The following PLXNA4 variants were observed in gnomAD, a reference collection of about 807,000 sequenced individuals.
PLXNA4 encodes the protein plexin-A4.
A neutral mutation model predicts 191.8 loss-of-function variants in PLXNA4; 44 were observed. The observed-to-expected ratio is 0.23, with a 90% confidence interval of 0.18 to 0.29. The LOEUF (loss-of-function observed/expected upper bound fraction) is 0.29, where lower values mean the gene tolerates loss of function less well. Ranked by LOEUF, PLXNA4 falls within the 10% of genes least tolerant of loss-of-function variation. The pLI is 1.00. For missense variants in PLXNA4, 1,800 were observed against 2,488.8 expected (o/e 0.72, Z 5.89); for synonymous variants, 1,082 against 1,009.5 (o/e 1.07, Z -1.36).
At chr7:132,202,331 A>T (rs1797464329) in intron 12 of PLXNA4, among the ~76,000 whole-genome samples, 1 of 152,194 alleles carries the variant, frequency 6.6e-6, no homozygotes, top group Non-Finnish European at 1.5e-5. Context: ...AGGCCTTGCC[A>T]CCGAGGCTCT....
At position 132,226,253 on chromosome 7, in the gene PLXNA4, G is replaced by T. The variant is rs756199653; in HGVS notation, c.1890C>A (p.His630Gln). 1 of 1,613,312 alleles carries T rather than the reference G, an allele frequency of 6.2e-7. No individual in the cohort carries two copies. Residue 630 changes from histidine to glutamine, a missense_variant, in exon 8 of 32, where the codon CAC becomes CAA. This residue lies in a region of PLXNA4 where 1,397 missense variants were observed against 1,880.4 expected (regional missense o/e 0.74). Transcript: ENST00000321063. ...ATTTGAGCTGAAGCTGTACGACATG[G>T]TGGTCCCCTACAAGGAGAGATGGCT... ...VPRIITENGD[H>Q]HVVQLQLKSK...
At chr7:132,293,781 C>A (rs2116476297) in intron 4 of PLXNA4, among the ~76,000 whole-genome samples, 1 of 152,320 alleles carries the variant, frequency 6.6e-6, no homozygotes, top group Non-Finnish European at 1.5e-5. Context: ...CAGATTGCCA[C>A]TCTCACATAT....
At chr7:132,433,882 A>T (rs1795367765) in intron 3 of PLXNA4, among the ~76,000 whole-genome samples, 1 of 152,182 alleles carries the variant, frequency 6.6e-6, no homozygotes, top group Admixed American at 6.5e-5. Flanking sequence ...AGAGGGGGGA[A>T]ATTAGAAACA....
chr7:132,648,187 T>C (rs949720241), intron 1 of PLXNA4, among the ~76,000 whole-genome samples: 1 of 152,032 alleles, frequency 6.6e-6, no homozygotes, highest in African/African-American at 2.4e-5. Context: ...TCATGTACAC[T>C]GTGTCACACA....
chr7:132,347,952 C>T (rs1803315095), intron 3 of PLXNA4, among the ~76,000 whole-genome samples: 1 of 152,134 alleles, frequency 6.6e-6, no homozygotes, highest in Non-Finnish European at 1.5e-5. Flanking sequence ...AGCACCTTTC[C>T]AGGGATGGCT....
At chr7:132,220,478 G>C (rs1191462073) in intron 9 of PLXNA4, among the ~76,000 whole-genome samples, 1 of 152,158 alleles carries the variant, frequency 6.6e-6, no homozygotes, top group Non-Finnish European at 1.5e-5. Flanking sequence ...AGGCATGGGC[G>C]ATTCCAAACT....
rs368638967 is a variant in PLXNA4, at chr7:132,370,067, C to CAA, written c.1372-71847_1372-71846dup. Among the ~76,000 whole-genome samples, 16 of 111,082 alleles carry CAA rather than the reference C, an allele frequency of 1.4e-4. No homozygotes were observed. In the East Asian group the frequency reaches 2.9e-3, roughly 20 times the overall value. 72.9% of individuals were successfully genotyped at this position (111,082 alleles called of 152,430 possible). A position where few individuals can be genotyped will look rare whatever the true frequency, so the allele number is the denominator to read the frequency against. On this transcript the variant is annotated intron_variant, in intron 3 of 31. Transcript: ENST00000321063. ...TGAGCGACAGAGTGAGACTCTGACT[C>CAA]AAAAAAAAAAAAAAAAAAGGTATGC...
intron 29 of PLXNA4, among the ~76,000 whole-genome samples, chr7:132,141,171 T>C (rs1220104931): frequency 2.6e-5 from 4 of 152,198 alleles, no homozygotes; most frequent in Non-Finnish European, 5.9e-5. Context: ...TCTCTGTCTG[T>C]CTGCTCCTAA....
intron 3 of PLXNA4, among the ~76,000 whole-genome samples, chr7:132,346,385 G>A (rs1259932594): frequency 1.3e-5 from 2 of 152,158 alleles, no homozygotes; most frequent in African/African-American, 4.8e-5. Context: ...AAAATATTAA[G>A]TGACCTACTC....
Position 132,499,658 on chromosome 7 carries a change from G to C in PLXNA4, c.1188+7848C>G, listed in dbSNP as rs1374264335. On this transcript the variant is annotated intron_variant, in intron 2 of 31. Coordinates refer to ENST00000321063, the MANE Select transcript of PLXNA4 (RefSeq NM_020911.2). ...TTGTGTGTTTTCTGGTGGGTGCTGG[G>C]AAGCAGTGGCCCTGCTCCCCAGGCT... is the stretch of plus-strand genomic sequence containing the variant. Among the ~76,000 whole-genome samples the C allele has an allele frequency of 4.1e-4, 63 of 152,138 alleles. 1 individual carries two copies. Among genetic ancestry groups the C allele is most frequent in the Non-Finnish European group, 7.4e-5 (5 of 68,024 alleles).
chr7:132,305,705 G>T (rs753214326), intron 3 of PLXNA4, among the ~76,000 whole-genome samples: 1 of 152,190 alleles, frequency 6.6e-6, no homozygotes, highest in Non-Finnish European at 1.5e-5. Context: ...TCCATTGAAG[G>T]ATTGAACAAT....
At chr7:132,377,818 G>A (rs994478910) in intron 3 of PLXNA4, among the ~76,000 whole-genome samples, 1 of 152,162 alleles carries the variant, frequency 6.6e-6, no homozygotes, top group Non-Finnish European at 1.5e-5. Flanking sequence ...TGGGGCTGAG[G>A]AGAGAAAAGA....
intron 9 of PLXNA4, among the ~76,000 whole-genome samples, chr7:132,217,464 G>A (rs1392361554): frequency 6.6e-6 from 1 of 152,094 alleles, no homozygotes; most frequent in Admixed American, 6.6e-5. Context: ...AGCAAGATTG[G>A]GGAAAACAGA....
chr7:132,497,108 A>G (rs557919051), intron 2 of PLXNA4, among the ~76,000 whole-genome samples: 2 of 127,320 alleles, frequency 1.6e-5, no homozygotes, highest in African/African-American at 5.7e-5. Context: ...ACTTATGCAC[A>G]CTTGTGCACG....
upstream of PLXNA4, chr7:132,576,907 G>A (rs1011470675): frequency 1.3e-5 from 2 of 150,254 alleles, no homozygotes; most frequent in African/African-American, 4.9e-5. The surrounding 1 kb of genome is among the most constrained non-coding windows in gnomAD (Gnocchi z 5.8). Flanking sequence ...CGGGCGCGGC[G>A]AGTGCGCGGG....
intron 3 of PLXNA4, among the ~76,000 whole-genome samples, chr7:132,316,520 A>C (rs1393230258): frequency 2.0e-5 from 3 of 152,164 alleles, no homozygotes; most frequent in Non-Finnish European, 4.4e-5. Flanking sequence ...ACCCTAGCCT[A>C]TAAAGTACTT....
intron 4 of PLXNA4, among the ~76,000 whole-genome samples, chr7:132,262,374 G>A (rs1799678847): frequency 1.3e-5 from 2 of 152,118 alleles, no homozygotes; most frequent in Admixed American, 6.5e-5. Flanking sequence ...CTGATGGATC[G>A]GAGCCCAGAT....
intron 5 of PLXNA4, among the ~76,000 whole-genome samples, chr7:132,231,370 C>T (rs1798516267): frequency 1.3e-5 from 2 of 152,214 alleles, no homozygotes; most frequent in African/African-American, 2.4e-5. Flanking sequence ...CAAACTGTAG[C>T]TGATGCAGAA....
rs540853728 is a variant in PLXNA4 at position 132,130,671 on chromosome 7, G to T, written c.5590-97C>A. ...ATGGTGTGGATGTGGTCAGAAGCCC[G>T]GGAAGCCACAGGCATGTGCAGGGGC... is the stretch of plus-strand genomic sequence containing the variant. On this transcript the variant is annotated intron_variant, in intron 31 of 31. Coordinates refer to ENST00000321063, the MANE Select transcript of PLXNA4 (RefSeq NM_020911.2). The T allele has an allele frequency of 3.2e-6, 5 of 1,569,478 alleles. No homozygotes were observed. In the African/African-American group the frequency reaches 5.4e-5, roughly 17 times the overall value.
Sources: gnomAD v4.1 joint callset for allele counts (sites outside exome capture counted in the v4.1 genomes callset) on GRCh38, gnomAD v4.1.1 for gene constraint, gnomAD v4.1.1 regional missense constraint, Gnocchi (gnomAD v3.1) non-coding constraint, MANE v1.5 for transcripts, NCBI Gene and HGNC (gene_info 2026-07-23, HGNC 2026-07-21) for gene names.